OSGIN1: variants seen among roughly 807,000 people sequenced by gnomAD.
The protein encoded by OSGIN1 is oxidative stress induced growth inhibitor 1.
OSGIN1 carries 19 observed loss-of-function variants against 20.1 expected under a neutral mutation model. That is an observed-to-expected ratio of 0.95 (90% CI 0.66 to 1.39). OSGIN1 has a LOEUF of 1.39. Ranked by LOEUF, OSGIN1 falls within the 40% of genes most tolerant of loss-of-function variation. The pLI, the probability that OSGIN1 is intolerant of heterozygous loss-of-function variation, is 0.00. For missense variants in OSGIN1, 820 were observed against 653.0 expected (o/e 1.26, Z -2.79); for synonymous variants, 368 against 297.8 (o/e 1.24, Z -2.43).
At chr16:83,958,483 G>A (rs1223070875) in intron 2 of OSGIN1, among the ~76,000 whole-genome samples, 2 of 152,194 alleles carry the variant, frequency 1.3e-5, no homozygotes, top group African/African-American at 4.8e-5. Context: ...TGACCCCCCA[G>A]TATGCAGGCG....
At position 83,965,607 on chromosome 16, in the gene OSGIN1, G is replaced by C; in HGVS notation, c.1034G>C (p.Arg345Pro). 6.2e-7 allele frequency: 1 copy of C among 1,613,096 alleles called. No individual in the cohort carries two copies. The highest frequency in any genetic ancestry group is 8.5e-7 in the Non-Finnish European group (1 of 1,180,008). Residue 345 changes from arginine to proline, a missense_variant, in exon 6 of 6, where the codon CGG (arginine) becomes CCG (proline). By Grantham distance (103) the Arg-to-Pro change is moderately radical. Coordinates refer to ENST00000393306, the MANE Select transcript of OSGIN1 (RefSeq NM_182981.3). ...TACCACAAGGTGCACCAGATGATGC[G>C]GGAGCAGTCCATCCTGTCGCCCAGC... ...PEYHKVHQMMREQSILSPSPY... is the reference protein window; with the variant it reads ...PEYHKVHQMMPEQSILSPSPY...
chr16:83,955,145 T>G (rs1244079457), intron 1 of OSGIN1, among the ~76,000 whole-genome samples: 2 of 152,152 alleles, frequency 1.3e-5, no homozygotes. Context: ...TGCTCCCCAG[T>G]GGCTGCTGTT....
chr16:83,959,985 G>A (rs887390120), intron 3 of OSGIN1, among the ~76,000 whole-genome samples: 2 of 152,104 alleles, frequency 1.3e-5, no homozygotes, highest in African/African-American at 4.8e-5. Flanking sequence ...GCTCCTCCAC[G>A]ACCTCCCCTT....
At chr16:83,956,555 T>A (rs1567654652) in intron 1 of OSGIN1, among the ~76,000 whole-genome samples, 1 of 152,158 alleles carries the variant, frequency 6.6e-6, no homozygotes, top group Non-Finnish European at 1.5e-5. Context: ...TGGCAGGGTC[T>A]TGGCACCAGT....
At chr16:83,954,611 C>G (rs1174013511) in intron 1 of OSGIN1, 1 of 216,860 alleles carries the variant, frequency 4.6e-6, no homozygotes, top group East Asian at 1.8e-4. Flanking sequence ...TTTGGGGCGT[C>G]CTGTGTCACT....
intron 1 of OSGIN1, among the ~76,000 whole-genome samples, chr16:83,955,139 C>T (rs930382511): frequency 1.3e-5 from 2 of 152,142 alleles, no homozygotes; most frequent in African/African-American, 4.8e-5. Context: ...GTCCCATGCT[C>T]CCCAGTGGCT....
chr16:83,965,953 C>G lies in OSGIN1; in HGVS notation c.1380C>G (p.Gly460=). The G allele has an allele frequency of 6.2e-7, 1 of 1,609,922 alleles. No homozygotes were observed. The highest frequency in any genetic ancestry group is 1.7e-4 in the Middle Eastern group (1 of 6,054). The change falls in exon 6 of 6, where the codon GGC becomes GGG. Residue 460 remains glycine, a synonymous_variant. Coordinates refer to ENST00000393306, the MANE Select transcript of OSGIN1 (RefSeq NM_182981.3). ...ACTTCGTGAGGTTTGTGCAGGGGGGCGCCTTGGCTGTGGCCAGCTCCCTGC... is the reference window on the plus strand; with the variant it reads ...ACTTCGTGAGGTTTGTGCAGGGGGGGGCCTTGGCTGTGGCCAGCTCCCTGC... ...GDNFVRFVQG[G]ALAVASSLLR...
At position 83,965,571 on chromosome 16, in the gene OSGIN1, T is replaced by C. The variant is rs1447072306; in HGVS notation, c.998T>C (p.Leu333Pro). Residue 333 changes from leucine (L) to proline (P), a missense_variant, in exon 6 of 6, where the codon CTG (leucine) becomes CCG (proline). Leu to Pro is a moderately conservative substitution (Grantham distance 98). Transcript: ENST00000393306. ...GTGTTCAACCAGCTGCCCAAGATGC[T>C]GTACCCCGAGTACCACAAGGTGCAC... ...GLVFNQLPKM[L>P]YPEYHKVHQM... 2 of 1,612,864 alleles carry C rather than the reference T, an allele frequency of 1.2e-6. No individual in the cohort carries two copies. The highest frequency in any genetic ancestry group is 2.2e-5 in the East Asian group (1 of 44,890).
chr16:83,962,955 T>G (rs1199989105), intron 5 of OSGIN1, among the ~76,000 whole-genome samples: 1 of 152,172 alleles, frequency 6.6e-6, no homozygotes, highest in Non-Finnish European at 1.5e-5. Context: ...TCTCACAGTT[T>G]CAATCACTGA....
At position 83,959,449 on chromosome 16, in the gene OSGIN1, A is replaced by G. The variant is rs943979168; in HGVS notation, c.204+53A>G. On this transcript the variant is annotated intron_variant, in intron 3 of 5. Coordinates refer to ENST00000393306, the MANE Select transcript of OSGIN1 (RefSeq NM_182981.3). ...GGTAGTACATACCCGCCCTTGGAAA[A>G]CTACCGCCGCTTTCCCAGGGAAAAA... 2.9e-5 allele frequency: 44 copies of G among 1,516,726 alleles called. No homozygotes were observed. The East Asian group carries it at 3.3e-4, about 11-fold the overall frequency. 94.0% of individuals were successfully genotyped at this position (1,516,726 alleles called of 1,614,324 possible). A position where few individuals can be genotyped will look rare whatever the true frequency, so the allele number is the denominator to read the frequency against.
chr16:83,964,199 G>C (rs759144584), intron 5 of OSGIN1, among the ~76,000 whole-genome samples: 4 of 152,096 alleles, frequency 2.6e-5, no homozygotes, highest in Non-Finnish European at 5.9e-5. Flanking sequence ...AGCTGCTCAG[G>C]AGGCCGAGGT....
chr16:83,960,552 C>T lies in OSGIN1; in HGVS notation c.205-17C>T, dbSNP rs771713092. On this transcript the variant is annotated splice_polypyrimidine_tract_variant and intron_variant, in intron 3 of 5. Transcript: ENST00000393306. The stretch of plus-strand genomic sequence containing the variant: ...CGCCCTCCTCCAGCAGCCCCTCTGA[C>T]CTATGCCCCCCTCCAGGACCTGGAC... 6 of 1,609,230 alleles carry T rather than the reference C, an allele frequency of 3.7e-6. No individual in the cohort carries two copies. The highest frequency in any genetic ancestry group is 5.1e-6 in the Non-Finnish European group (6 of 1,177,144).
rs199943564 is a variant in OSGIN1, at chr16:83,965,858, G to A, written c.1285G>A (p.Val429Met). The part of the protein sequence containing the change: ...PLSAKRNPID[V>M]DPFTYQSTRQ... ...GAGCGCCAAGAGGAACCCCATTGAC[G>A]TGGACCCCTTCACCTACCAGAGCAC... Residue 429 changes from valine (V) to methionine (M), a missense_variant, in exon 6 of 6, where the codon GTG (valine) becomes ATG (methionine). Coordinates refer to ENST00000393306, the MANE Select transcript of OSGIN1 (RefSeq NM_182981.3). The A allele has an allele frequency of 2.4e-4, 387 of 1,612,990 alleles. 1 individual carries two copies. Among genetic ancestry groups the A allele is most frequent in the Middle Eastern group, 1.5e-3 (9 of 6,062 alleles).
Position 83,965,099 on chromosome 16 carries a change from G to A in OSGIN1, c.526G>A (p.Ala176Thr), listed in dbSNP as rs1050757906. 5.6e-6 allele frequency: 9 copies of A among 1,607,876 alleles called. No individual in the cohort carries two copies. Among genetic ancestry groups the A allele is most frequent in the Non-Finnish European group, 7.7e-6 (9 of 1,176,072 alleles). Residue 176 changes from alanine (A) to threonine (T), a missense_variant, in exon 6 of 6, where the codon GCC becomes ACC. Transcript: ENST00000393306. The stretch of plus-strand genomic sequence containing the variant: ...CAGCCGGGCCACTGCCGGGGACATC[G>A]CCCACTACTACAGGGACTACGTGGT... The part of the protein sequence containing the change: ...RNSRATAGDI[A>T]HYYRDYVVKK...
chr16:83,960,785 C>G, intron 4 of OSGIN1, 25 bp downstream of exon 4: 2 of 1,607,666 alleles, frequency 1.2e-6, no homozygotes, highest in African/African-American at 1.3e-5. Context: ...GAGGGCATGG[C>G]TTGTGGGGGG....
At chr16:83,955,028 C>G (rs952670317) in intron 1 of OSGIN1, among the ~76,000 whole-genome samples, 1 of 152,182 alleles carries the variant, frequency 6.6e-6, no homozygotes, top group Non-Finnish European at 1.5e-5. Flanking sequence ...TCTGTAGCCT[C>G]AGGGCACGGC....
At position 83,964,559 on chromosome 16, in the gene OSGIN1, G is replaced by A. The variant is rs113871408; in HGVS notation, c.489-503G>A. 5.0e-3 allele frequency among the ~76,000 whole-genome samples: 768 copies of A among 152,170 alleles called. 9 individuals are homozygous for A. The highest frequency in any genetic ancestry group is 0.017 in the African/African-American group (723 of 41,500). On this transcript the variant is annotated intron_variant, in intron 5 of 5. Coordinates refer to ENST00000393306, the MANE Select transcript of OSGIN1 (RefSeq NM_182981.3). ...CCTGTTTCTGAACTCTGTAAAAATGGAATCATACCATATTTAATCATTTGA... is the reference window on the plus strand; with the variant it reads ...CCTGTTTCTGAACTCTGTAAAAATGAAATCATACCATATTTAATCATTTGA...
Position 83,959,252 on chromosome 16 carries a change from C to G in OSGIN1, c.68-8C>G, listed in dbSNP as rs754552352. ...CCACCCCCTTTAACCTCCACCCTCT[C>G]TCCCCAGGTAACGGCCCCTCTGGTA... On this transcript the variant is annotated splice_region_variant and splice_polypyrimidine_tract_variant and intron_variant, in intron 2 of 5. Transcript: ENST00000393306. 5 of 1,612,786 alleles carry G rather than the reference C, an allele frequency of 3.1e-6. No individual in the cohort carries two copies. The highest frequency in any genetic ancestry group is 3.3e-5 in the Admixed American group (2 of 59,918).
intron 1 of OSGIN1, among the ~76,000 whole-genome samples, chr16:83,955,053 C>T (rs560377329): frequency 7.8e-4 from 119 of 152,264 alleles, no homozygotes; most frequent in African/African-American, 2.8e-3. Context: ...CCTCTCCTAG[C>T]CTTAGTCTCC....
Sources: allele counts gnomAD v4.1 joint callset (sites outside exome capture counted in the v4.1 genomes callset), GRCh38; gene constraint gnomAD v4.1.1; transcripts MANE v1.5; gene names NCBI Gene and HGNC (gene_info 2026-07-23, HGNC 2026-07-21).